GALNT2: variants seen among roughly 807,000 people sequenced by gnomAD.
The protein encoded by GALNT2 is UDP-GalNAc:polypeptide N-acetylgalactosaminyltransferase 2.
GALNT2 carries 31 observed loss-of-function variants against 81.4 expected under a neutral mutation model. The ratio of observed to expected loss-of-function variants is 0.38; its 90% CI spans 0.29 to 0.51. The LOEUF is 0.51. Ranked by LOEUF, GALNT2 falls within the 20% of genes least tolerant of loss-of-function variation. The probability of loss-of-function intolerance (pLI) is 0.87; values close to 1 mark genes in which losing one functional copy is unlikely to be tolerated. For synonymous variants in GALNT2, 303 were observed against 287.4 expected (o/e 1.05, Z -0.55); for missense variants, 629 against 765.7 (o/e 0.82, Z 2.11).
At chr1:230,121,868 GTATT>G (rs1300274465) in intron 1 of GALNT2, among the ~76,000 whole-genome samples, 2 of 149,982 alleles carry the variant, frequency 1.3e-5, no homozygotes, top group African/African-American at 2.5e-5. Flanking sequence ...GATTTAGAAT[GTATT>G]TATTTATCTT....
At chr1:230,092,388 T>G (rs1357772278) in intron 1 of GALNT2, among the ~76,000 whole-genome samples, 2 of 151,794 alleles carry the variant, frequency 1.3e-5, no homozygotes, top group Admixed American at 6.6e-5. Context: ...TTTTGGTTTT[T>G]TTTTTTGAGC....
chr1:230,097,283 G>T (rs751053342), intron 1 of GALNT2, among the ~76,000 whole-genome samples: 4 of 151,922 alleles, frequency 2.6e-5, no homozygotes, highest in Admixed American at 6.6e-5. Flanking sequence ...CCATTTTTAA[G>T]TGTACAGGTA....
intron 3 of GALNT2, among the ~76,000 whole-genome samples, chr1:230,208,254 GT>G (rs1664126441): frequency 6.6e-6 from 1 of 152,154 alleles, no homozygotes; most frequent in African/African-American, 2.4e-5. Flanking sequence ...GTGGTGAGAA[GT>G]GGTCTGGTGG....
intron 2 of GALNT2, among the ~76,000 whole-genome samples, chr1:230,196,576 C>G (rs1663701844): frequency 6.6e-6 from 1 of 152,158 alleles, no homozygotes; most frequent in Non-Finnish European, 1.5e-5. Flanking sequence ...ATTCTTCCAA[C>G]CCTAGGATTG....
At chr1:230,201,079 G>A (rs1663878788) in intron 2 of GALNT2, among the ~76,000 whole-genome samples, 1 of 152,188 alleles carries the variant, frequency 6.6e-6, no homozygotes, top group African/African-American at 2.4e-5. Context: ...GAAAATATAT[G>A]AGGGTGAAGG....
At chr1:230,154,982 A>G (rs751745023) in intron 1 of GALNT2, among the ~76,000 whole-genome samples, 65 of 152,174 alleles carry the variant, frequency 4.3e-4, no homozygotes, top group Non-Finnish European at 1.5e-4. Context: ...TTTACGTACT[A>G]GCACTTAAAA....
At chr1:230,119,623 T>G (rs1406978705) in intron 1 of GALNT2, among the ~76,000 whole-genome samples, 1 of 152,184 alleles carries the variant, frequency 6.6e-6, no homozygotes, top group African/African-American at 2.4e-5. Context: ...CTAGGCTGTT[T>G]GTATAAAGAG....
intron 3 of GALNT2, among the ~76,000 whole-genome samples, chr1:230,219,455 T>A (rs906275694): frequency 6.6e-6 from 1 of 151,886 alleles, no homozygotes; most frequent in Non-Finnish European, 1.5e-5. Flanking sequence ...CCTCTCAAAT[T>A]AACCCCTTCC....
chr1:230,175,680 C>T lies in GALNT2; in HGVS notation c.127-2538C>T, dbSNP rs559676155. 8.2e-4 allele frequency among the ~76,000 whole-genome samples: 114 copies of T among 138,778 alleles called. 1 individual carries two copies. Among genetic ancestry groups the T allele is most frequent in the African/African-American group, 2.3e-3 (83 of 35,724 alleles). The allele number at this position is 138,778 out of a possible 152,430, so 91.0% of individuals were successfully genotyped here. On this transcript the variant is annotated intron_variant, in intron 1 of 15. Transcript: ENST00000366672. ...CCTCCTCACTGTCCTCCCCCTCCTT[C>T]TCCTTGGGGGCTCCTCTTCCCCTTC...
At chr1:230,158,387 C>T (rs1662327054) in intron 1 of GALNT2, among the ~76,000 whole-genome samples, 1 of 152,178 alleles carries the variant, frequency 6.6e-6, no homozygotes, top group Admixed American at 6.5e-5. Flanking sequence ...TGTCTTTTCT[C>T]AGAGATGGGG....
chr1:230,270,198 C>T (rs1666132168), intron 14 of GALNT2, among the ~76,000 whole-genome samples: 1 of 152,004 alleles, frequency 6.6e-6, no homozygotes, highest in African/African-American at 2.4e-5. Context: ...GAGATTCTGT[C>T]TCAAAAAAAT....
intron 1 of GALNT2, among the ~76,000 whole-genome samples, chr1:230,127,108 C>A (rs1026952358): frequency 6.6e-6 from 1 of 152,178 alleles, no homozygotes; most frequent in Non-Finnish European, 1.5e-5. Flanking sequence ...ACGTCCCCCC[C>A]TCCCATTGCT....
At chr1:230,202,350 A>G (rs754369504) in intron 2 of GALNT2, among the ~76,000 whole-genome samples, 4 of 152,138 alleles carry the variant, frequency 2.6e-5, no homozygotes, top group East Asian at 1.9e-4. Flanking sequence ...TCTCCTCTCA[A>G]TGCTCCTTGG....
At chr1:230,100,779 C>T (rs533444945) in intron 1 of GALNT2, among the ~76,000 whole-genome samples, 1 of 152,130 alleles carries the variant, frequency 6.6e-6, no homozygotes, top group African/African-American at 2.4e-5. Context: ...ACTCCAAAGT[C>T]GATGTGTGTA....
At position 230,250,702 on chromosome 1, in the gene GALNT2, C is replaced by G. The variant is rs577633999; in HGVS notation, c.1009+142C>G. 9.8e-5 allele frequency: 56 copies of G among 574,036 alleles called. 1 individual carries two copies. The East Asian group carries it at 1.2e-3, about 12-fold the overall frequency. 35.6% of individuals were successfully genotyped at this position (574,036 alleles called of 1,614,324 possible). ...GATCCTTGCAAACACATATGTAACA[C>G]CCCTTTTGCTCTTGAAAGTCTCATG... is the stretch of plus-strand genomic sequence containing the variant. On this transcript the variant is annotated intron_variant, in intron 10 of 15. Coordinates refer to ENST00000366672, the MANE Select transcript of GALNT2 (RefSeq NM_004481.5).
chr1:230,250,923 C>A (rs1665527785), intron 10 of GALNT2, among the ~76,000 whole-genome samples: 2 of 152,124 alleles, frequency 1.3e-5, no homozygotes. Flanking sequence ...AAAATGAACC[C>A]CGGCGAGGCT....
intron 3 of GALNT2, among the ~76,000 whole-genome samples, chr1:230,235,427 C>A (rs1334409084): frequency 6.6e-6 from 1 of 152,102 alleles, no homozygotes; most frequent in Non-Finnish European, 1.5e-5. Context: ...TGACTGTACC[C>A]TCACTCCATC....
chr1:230,124,690 A>T (rs958521650), intron 1 of GALNT2, among the ~76,000 whole-genome samples: 2 of 152,206 alleles, frequency 1.3e-5, no homozygotes, highest in African/African-American at 4.8e-5. Flanking sequence ...TAAAAGCCAC[A>T]GTCTTGGAAC....
At chr1:230,101,140 GA>G (rs1270878245) in intron 1 of GALNT2, among the ~76,000 whole-genome samples, 1 of 152,202 alleles carries the variant, frequency 6.6e-6, no homozygotes, top group Non-Finnish European at 1.5e-5. Context: ...ACACGAGCAA[GA>G]AATAGCATAA....
Sources: allele counts gnomAD v4.1 joint callset (sites outside exome capture counted in the v4.1 genomes callset), GRCh38; gene constraint gnomAD v4.1.1; transcripts MANE v1.5; gene names NCBI Gene and HGNC (gene_info 2026-07-23, HGNC 2026-07-21).